FAM163A: variants seen among roughly 807,000 people sequenced by gnomAD.
FAM163A encodes the protein protein FAM163A.
FAM163A carries 7 observed loss-of-function variants against 12.0 expected under a neutral mutation model. The observed-to-expected ratio is 0.58, with a 90% CI of 0.33 to 1.10. FAM163A has a LOEUF of 1.10. Ranked by LOEUF, FAM163A falls within the 50% of genes least tolerant of loss-of-function variation. The probability of loss-of-function intolerance (pLI) is 0.03; values close to 1 mark genes in which losing one functional copy is unlikely to be tolerated. For synonymous variants in FAM163A, 101 were observed against 91.0 expected (o/e 1.11, Z -0.62); for missense variants, 202 against 218.6 (o/e 0.92, Z 0.48).
At chr1:179,813,480 G>T (rs1055594154) in intron 4 of FAM163A, among the ~76,000 whole-genome samples, 9 of 152,174 alleles carry the variant, frequency 5.9e-5, no homozygotes, top group Non-Finnish European at 1.0e-4. Flanking sequence ...GCACCATTCT[G>T]GGGAGGCTCT....
Position 179,814,260 on chromosome 1 carries a change from C to T in FAM163A, c.*71C>T. The T allele has an allele frequency of 1.3e-6, 2 of 1,506,010 alleles. No homozygotes were observed. The highest frequency in any genetic ancestry group is 1.8e-6 in the Non-Finnish European group (2 of 1,123,620). 93.3% of individuals were successfully genotyped at this position (1,506,010 alleles called of 1,614,324 possible). A position where few individuals can be genotyped will look rare whatever the true frequency, so the allele number is the denominator to read the frequency against. ...CGGGGGCCATGGGGGTGATGAATGA[C>T]CCTCCAACAGCCCCACATGGGTTGT... On this transcript the variant is annotated 3_prime_UTR_variant, in exon 5 of 5. Transcript: ENST00000341785.
At chr1:179,762,796 G>C (rs1686982336) in intron 1 of FAM163A, among the ~76,000 whole-genome samples, 1 of 152,164 alleles carries the variant, frequency 6.6e-6, no homozygotes, top group Non-Finnish European at 1.5e-5. Context: ...TGAGGCCATT[G>C]TGAACACACA....
intron 1 of FAM163A, among the ~76,000 whole-genome samples, chr1:179,770,465 T>C (rs1688129728): frequency 6.6e-6 from 1 of 152,130 alleles, no homozygotes; most frequent in Admixed American, 6.5e-5. Context: ...AGCCTTCCCA[T>C]TGCTCTTGGA....
chr1:179,788,755 G>A (rs1325682773), intron 1 of FAM163A, among the ~76,000 whole-genome samples: 1 of 152,172 alleles, frequency 6.6e-6, no homozygotes, highest in Non-Finnish European at 1.5e-5. Flanking sequence ...TTGCAGCTTT[G>A]CGGAGGAAAG....
chr1:179,781,933 C>CAAAAAAAAAAAAAAAAAAAAAAAAAA (rs58962319), intron 1 of FAM163A, among the ~76,000 whole-genome samples: 1 of 119,400 alleles, frequency 8.4e-6, no homozygotes. Flanking sequence ...GAATCCGTAT[C>CAAAAAAAAAAAAAAAAAAAAAAAAAA]AAAAAAAAAA....
chr1:179,790,571 A>G (rs1403372742), intron 1 of FAM163A, among the ~76,000 whole-genome samples: 4 of 152,156 alleles, frequency 2.6e-5, no homozygotes, highest in South Asian at 2.1e-4. Flanking sequence ...CCTGGCCTCT[A>G]TAGCTTTGTC....
chr1:179,770,741 G>GCGAGGTC (rs773376886), intron 1 of FAM163A, among the ~76,000 whole-genome samples: 13 of 152,080 alleles, frequency 8.5e-5, no homozygotes, highest in Admixed American at 4.6e-4. Flanking sequence ...CTTCCTCCAA[G>GCGAGGTC]AAGCATCCCT....
the FAM163A span, among the ~76,000 whole-genome samples, chr1:179,728,087 T>A: frequency 6.6e-6 from 1 of 152,182 alleles, no homozygotes; most frequent in Non-Finnish European, 1.5e-5. Context: ...GTTGCACAGG[T>A]TAAATGAAAT....
In FAM163A at chr1:179,808,945, A is replaced by G. The variant is rs569617110; in HGVS notation, c.-45+1057A>G. On this transcript the variant is annotated intron_variant, in intron 2 of 4. Coordinates refer to ENST00000341785, the MANE Select transcript of FAM163A (RefSeq NM_173509.3). ...GGGAATTTAAATGCTAAACTGTACC[A>G]TTAGTACAGAAATTAGCCAGCCGTG... Among the ~76,000 whole-genome samples the G allele has an allele frequency of 3.9e-5, 6 of 152,288 alleles. No homozygotes were observed. In the South Asian group the frequency reaches 1.2e-3, roughly 32 times the overall value.
At chr1:179,774,131 C>A (rs965162489) in intron 1 of FAM163A, among the ~76,000 whole-genome samples, 25 of 152,246 alleles carry the variant, frequency 1.6e-4, no homozygotes, top group Non-Finnish European at 2.9e-4. Flanking sequence ...GGCAGCCTTG[C>A]TGAACCTCAC....
intron 1 of FAM163A, among the ~76,000 whole-genome samples, chr1:179,791,601 C>A (rs954693442): frequency 1.1e-4 from 17 of 152,364 alleles, no homozygotes; most frequent in South Asian, 1.0e-3. Flanking sequence ...CCCATGCCGC[C>A]ACATTTCAGC....
At chr1:179,770,762 T>C (rs564183021) in intron 1 of FAM163A, among the ~76,000 whole-genome samples, 3 of 152,008 alleles carry the variant, frequency 2.0e-5, no homozygotes, top group Admixed American at 2.0e-4. Context: ...TGACCTCCTC[T>C]CCCCAAGTCA....
chr1:179,777,349 T>C (rs1013539178), intron 1 of FAM163A, among the ~76,000 whole-genome samples: 2 of 152,198 alleles, frequency 1.3e-5, no homozygotes, highest in South Asian at 4.1e-4. Flanking sequence ...CAGTTTTTGA[T>C]GCAAAACTCT....
At chr1:179,744,909 T>C (rs997675275) in intron 1 of FAM163A, among the ~76,000 whole-genome samples, 1 of 152,202 alleles carries the variant, frequency 6.6e-6, no homozygotes, top group African/African-American at 2.4e-5. Flanking sequence ...CAATCCCGCA[T>C]GTTCGCTTTG....
intron 1 of FAM163A, among the ~76,000 whole-genome samples, chr1:179,750,357 G>A (rs1431969460): frequency 2.0e-5 from 3 of 152,200 alleles, no homozygotes; most frequent in African/African-American, 7.2e-5. Flanking sequence ...ATAAAGTGGA[G>A]GTGCATGGTA....
chr1:179,743,769 G>A (rs1418624213), intron 1 of FAM163A, among the ~76,000 whole-genome samples: 1 of 152,140 alleles, frequency 6.6e-6, no homozygotes, highest in Admixed American at 6.5e-5. Flanking sequence ...CGGACTTGCC[G>A]GGTCCCTGCC....
intron 1 of FAM163A, among the ~76,000 whole-genome samples, chr1:179,746,115 G>A (rs374511116): frequency 1.1e-4 from 17 of 152,306 alleles, no homozygotes; most frequent in South Asian, 2.1e-4. Context: ...GAGATAAACC[G>A]TTGATGAGGT....
chr1:179,801,986 CA>C (rs1372688683), intron 1 of FAM163A, among the ~76,000 whole-genome samples: 1 of 152,198 alleles, frequency 6.6e-6, no homozygotes, highest in Non-Finnish European at 1.5e-5. Context: ...GAAGGCCAAA[CA>C]AAAATGTGCA....
intron 1 of FAM163A, among the ~76,000 whole-genome samples, chr1:179,796,132 T>TACACACAC (rs35899165): frequency 5.8e-4 from 84 of 145,450 alleles, no homozygotes; most frequent in African/African-American, 2.0e-3. Flanking sequence ...CATTCAATAA[T>TACACACAC]ACACACACAC....
Sources: gnomAD v4.1 joint callset for allele counts (sites outside exome capture counted in the v4.1 genomes callset) on GRCh38, gnomAD v4.1.1 for gene constraint, MANE v1.5 for transcripts, NCBI Gene and HGNC (gene_info 2026-07-23, HGNC 2026-07-21) for gene names.